Variants in HM13 observed in about 807,000 individuals in gnomAD.
HM13 encodes signal peptide peptidase.
Under a neutral mutation model 50.0 loss-of-function variants are expected in HM13, and 18 were observed. The ratio of observed to expected loss-of-function variants is 0.36; its 90% CI spans 0.25 to 0.53. The LOEUF is 0.53. Ranked by LOEUF, HM13 falls within the 20% of genes least tolerant of loss-of-function variation. The pLI is 0.90. For missense variants in HM13, 393 were observed against 552.4 expected (o/e 0.71, Z 2.89); for synonymous variants, 197 against 232.6 (o/e 0.85, Z 1.39).
intron 8 of HM13, among the ~76,000 whole-genome samples, chr20:31,557,599 C>G (rs1009295851): frequency 6.6e-6 from 1 of 152,106 alleles, no homozygotes; most frequent in Non-Finnish European, 1.5e-5. Flanking sequence ...CAGTTGTCTG[C>G]TCTATCCCCA....
intron 7 of HM13, among the ~76,000 whole-genome samples, chr20:31,552,424 C>CT (rs1381956053): frequency 6.6e-6 from 1 of 152,162 alleles, no homozygotes; most frequent in Non-Finnish European, 1.5e-5. Context: ...GGATGCCACT[C>CT]TAAGGAGCTT....
intron 1 of HM13, 32 bp from the exon 2 acceptor site, chr20:31,527,452 T>C: frequency 6.7e-7 from 1 of 1,489,956 alleles, no homozygotes; most frequent in South Asian, 1.1e-5. Flanking sequence ...GAACCAGCCG[T>C]GCTGAGCCAT....
chr20:31,561,500 C>T, intron 9 of HM13, 134 bp from the exon 10 acceptor site: 1 of 673,544 alleles, frequency 1.5e-6, no homozygotes, highest in Non-Finnish European at 2.7e-6. Context: ...GCACACCCAC[C>T]TCCAGACTCC....
At chr20:31,542,989 C>T (rs1024282925) in intron 3 of HM13, among the ~76,000 whole-genome samples, 1 of 152,158 alleles carries the variant, frequency 6.6e-6, no homozygotes, top group Non-Finnish European at 1.5e-5. Context: ...GCACCAAGCT[C>T]CTAAGGAAGA....
intron 7 of HM13, chr20:31,550,582 A>G (rs1227159452): frequency 6.4e-6 from 1 of 155,222 alleles, no homozygotes; most frequent in African/African-American, 2.4e-5. Context: ...AGCATCTCTA[A>G]TCCGAAAATC....
intron 10 of HM13, among the ~76,000 whole-genome samples, chr20:31,564,829 G>A (rs1207383831): frequency 1.4e-5 from 2 of 146,822 alleles, no homozygotes; most frequent in African/African-American, 5.1e-5. Context: ...GGGAGACAGA[G>A]CAAGACTCTA....
chr20:31,515,592 GGCCTGTCT>G lies in HM13; in HGVS notation c.183+861_183+868del, dbSNP rs1471639695. 3.3e-5 allele frequency among the ~76,000 whole-genome samples: 5 copies of G among 151,528 alleles called. No individual in the cohort carries two copies. The East Asian group carries it at 9.7e-4, about 30-fold the overall frequency. On this transcript the variant is annotated intron_variant, in intron 1 of 12. Coordinates refer to ENST00000398174, the MANE Select transcript of HM13 (RefSeq NM_178581.3). The stretch of plus-strand genomic sequence containing the variant: ...CCAAGACAATCCCCCCACCAAACTG[GGCCTGTCT>G]GCTGGGCCACTGTTGGCCCCTCTTG...
chr20:31,558,425 C>T (rs1242543429), intron 8 of HM13, among the ~76,000 whole-genome samples: 4 of 152,192 alleles, frequency 2.6e-5, no homozygotes, highest in African/African-American at 4.8e-5. Context: ...CCATGGTCCT[C>T]GGGGCCCTGC....
chr20:31,538,154 G>C (rs368658152), intron 2 of HM13, 25 bp from the exon 3 acceptor site: 16 of 1,612,346 alleles, frequency 9.9e-6, no homozygotes, highest in Non-Finnish European at 1.4e-5. Flanking sequence ...CTAACTTCCT[G>C]TTTCTCTTTG....
intron 9 of HM13, among the ~76,000 whole-genome samples, 196 bp downstream of exon 9, chr20:31,559,843 A>T (rs932146658): frequency 2.0e-5 from 3 of 152,218 alleles, no homozygotes; most frequent in Non-Finnish European, 4.4e-5. Context: ...TTGTTTTAAG[A>T]ATCATAGGCC....
chr20:31,534,336 T>C (rs559012863), intron 2 of HM13, among the ~76,000 whole-genome samples: 2 of 152,046 alleles, frequency 1.3e-5, no homozygotes, highest in East Asian at 3.9e-4. Context: ...AGGAAGCCAC[T>C]CAACCAAGCA....
At chr20:31,547,488 C>A (rs984020640) in intron 4 of HM13, 2 of 647,642 alleles carry the variant, frequency 3.1e-6, no homozygotes, top group East Asian at 3.0e-5. Context: ...TGTTGTCGCC[C>A]GCTTCACCCT....
intron 1 of HM13, among the ~76,000 whole-genome samples, chr20:31,525,759 CAAAAAAAAAAGAA>C (rs949031078): frequency 7.3e-6 from 1 of 137,090 alleles, no homozygotes; most frequent in African/African-American, 2.7e-5. Context: ...AAATTTATAC[CAAAAAAAAAAGAA>C]AAAAAGAAAA....
Position 31,561,755 on chromosome 20 carries a change from G to C in HM13, c.948+19G>C. 1 of 1,522,616 alleles carries C rather than the reference G, an allele frequency of 6.6e-7. No homozygotes were observed. The highest frequency in any genetic ancestry group is 2.3e-5 in the East Asian group (1 of 44,438). 94.3% of individuals were successfully genotyped at this position (1,522,616 alleles called of 1,614,324 possible). ...TGCTCAGGTGGGCAGGACGGTATCA[G>C]AGTGTCAGGAATGCCTCACTGCAAA... On this transcript the variant is annotated intron_variant, in intron 10 of 12. Transcript: ENST00000398174.
At chr20:31,557,726 T>TTTTC (rs1568797617) in intron 8 of HM13, among the ~76,000 whole-genome samples, 1 of 150,140 alleles carries the variant, frequency 6.7e-6, no homozygotes, top group Non-Finnish European at 1.5e-5. Context: ...TTTTTTTTTT[T>TTTTC]TGAGATGGAG....
intron 3 of HM13, among the ~76,000 whole-genome samples, chr20:31,543,221 A>T (rs775315933): frequency 2.0e-5 from 3 of 152,092 alleles, no homozygotes; most frequent in Non-Finnish European, 4.4e-5. Flanking sequence ...CATTCATACC[A>T]CAGCCCTACA....
At chr20:31,543,130 C>T (rs781081570) in intron 3 of HM13, among the ~76,000 whole-genome samples, 2 of 152,200 alleles carry the variant, frequency 1.3e-5, no homozygotes, top group African/African-American at 2.4e-5. Context: ...TGCCTCCCAC[C>T]GCCTCAGAAC....
At chr20:31,515,633 G>A (rs568647228) in intron 1 of HM13, among the ~76,000 whole-genome samples, 125 of 151,982 alleles carry the variant, frequency 8.2e-4, no homozygotes, top group African/African-American at 2.8e-3. Context: ...TTGTGAGACT[G>A]GGCCAGACTC....
At chr20:31,567,425 T>G (rs1275509888) in intron 11 of HM13, among the ~76,000 whole-genome samples, 1 of 152,028 alleles carries the variant, frequency 6.6e-6, no homozygotes, top group Non-Finnish European at 1.5e-5. Flanking sequence ...TGCTAAATGC[T>G]CTGCCATACA....
Sources: gnomAD v4.1 joint callset for allele counts (sites outside exome capture counted in the v4.1 genomes callset) on GRCh38, gnomAD v4.1.1 for gene constraint, MANE v1.5 for transcripts, NCBI Gene and HGNC (gene_info 2026-07-23, HGNC 2026-07-21) for gene names.